Variants in GRIK4 observed in about 807,000 individuals in gnomAD.
GRIK4 encodes the protein glutamate receptor ionotropic, kainate 4.
GRIK4 carries 40 observed loss-of-function variants against 104.9 expected under a neutral mutation model. The observed-to-expected ratio is 0.38, with a 90% CI of 0.30 to 0.50. The LOEUF is 0.50. GRIK4 is among the 20% of genes least tolerant of loss of function. GRIK4 has a pLI of 0.93. For missense variants in GRIK4, 1,047 were observed against 1,308.1 expected (o/e 0.80, Z 3.08); for synonymous variants, 485 against 524.9 (o/e 0.92, Z 1.04).
In GRIK4 at chr11:120,734,860, A is replaced by G. The variant is rs1951194425; in HGVS notation, c.83-67833A>G. Reference sequence around the variant, plus strand: ...ATATCAATTGCATTTTTCAAATGCAAAAAGAACCTAGGCCTGGACTCAGGG... The same window carrying G: ...ATATCAATTGCATTTTTCAAATGCAGAAAGAACCTAGGCCTGGACTCAGGG... On this transcript the variant is annotated intron_variant, in intron 3 of 20. Coordinates refer to ENST00000527524, the MANE Select transcript of GRIK4 (RefSeq NM_014619.5). 3.3e-5 allele frequency among the ~76,000 whole-genome samples: 5 copies of G among 152,196 alleles called. No individual in the cohort carries two copies. In the South Asian group the frequency reaches 1.0e-3, roughly 32 times the overall value.
intron 3 of GRIK4, among the ~76,000 whole-genome samples, chr11:120,748,404 A>G (rs930661781): frequency 2.0e-5 from 3 of 151,954 alleles, no homozygotes; most frequent in Admixed American, 6.6e-5. Context: ...CGCAGGCCCC[A>G]TGTCTGTGGG....
intron 3 of GRIK4, among the ~76,000 whole-genome samples, chr11:120,759,597 C>T (rs1951711367): frequency 6.6e-6 from 1 of 151,976 alleles, no homozygotes; most frequent in Non-Finnish European, 1.5e-5. Flanking sequence ...GCTCACTTAA[C>T]CACCCTGAAC....
chr11:120,977,416 G>A (rs1944579183), intron 19 of GRIK4, among the ~76,000 whole-genome samples: 1 of 152,192 alleles, frequency 6.6e-6, no homozygotes, highest in African/African-American at 2.4e-5. Context: ...GGCCCCTTCT[G>A]ATGAATGTCG....
At chr11:120,969,417 G>A (rs996579092) in intron 19 of GRIK4, among the ~76,000 whole-genome samples, 1 of 152,122 alleles carries the variant, frequency 6.6e-6, no homozygotes, top group Admixed American at 6.5e-5. Flanking sequence ...GATGGATGTG[G>A]GGCAGGAGTC....
At chr11:120,885,340 T>C (rs1333322248) in intron 11 of GRIK4, among the ~76,000 whole-genome samples, 2 of 152,038 alleles carry the variant, frequency 1.3e-5, no homozygotes, top group Non-Finnish European at 2.9e-5. Context: ...TTTTCAACTA[T>C]GCAAGAAAAG....
At chr11:120,824,584 C>T (rs1200930318) in intron 6 of GRIK4, among the ~76,000 whole-genome samples, 6 of 124,114 alleles carry the variant, frequency 4.8e-5, no homozygotes, top group African/African-American at 1.2e-4. Flanking sequence ...AGGTCTCACT[C>T]TGTTGGCCAG....
At chr11:120,570,454 T>G (rs1009376203) in intron 1 of GRIK4, among the ~76,000 whole-genome samples, 2 of 152,170 alleles carry the variant, frequency 1.3e-5, no homozygotes, top group Non-Finnish European at 2.9e-5. Flanking sequence ...ATCAGTTGAC[T>G]TTCTGCTTTT....
intron 1 of GRIK4, among the ~76,000 whole-genome samples, chr11:120,599,203 G>T (rs75064325): frequency 6.6e-6 from 1 of 152,216 alleles, no homozygotes; most frequent in Non-Finnish European, 1.5e-5. Flanking sequence ...TTTTAAACAC[G>T]CAGAGAATGT....
chr11:120,651,391 T>C (rs1299028735), intron 1 of GRIK4, among the ~76,000 whole-genome samples: 1 of 152,198 alleles, frequency 6.6e-6, no homozygotes, highest in East Asian at 1.9e-4. Flanking sequence ...GGATGTCTTA[T>C]CATGTCTCTG....
At chr11:120,797,841 C>T (rs1952548999) in intron 3 of GRIK4, among the ~76,000 whole-genome samples, 1 of 152,178 alleles carries the variant, frequency 6.6e-6, no homozygotes, top group South Asian at 2.1e-4. Context: ...TCATCCTCCC[C>T]TTAATACAAG....
chr11:120,795,884 C>T (rs1032766462), intron 3 of GRIK4, among the ~76,000 whole-genome samples: 4 of 152,142 alleles, frequency 2.6e-5, no homozygotes, highest in African/African-American at 7.2e-5. Context: ...TTGCATATAA[C>T]TTATGCACAT....
At chr11:120,684,141 A>T (rs573233871) in intron 3 of GRIK4, among the ~76,000 whole-genome samples, 2 of 152,228 alleles carry the variant, frequency 1.3e-5, no homozygotes, top group Admixed American at 6.5e-5. Context: ...CCTGGGCAAC[A>T]TAGGGAGACC....
Position 120,819,964 on chromosome 11 carries a change from G to A in GRIK4, c.511+44G>A, listed in dbSNP as rs1953067158. On this transcript the variant is annotated intron_variant, in intron 6 of 20. Transcript: ENST00000527524. The surrounding 1 kb of genome is among the most constrained non-coding windows in gnomAD (Gnocchi z 4.3). ...GCTCTGCCCCAGACAGTCCAGTCTT[G>A]TTGATTTTGCCCTGATTCCCTGTGC... 6.3e-7 allele frequency: 1 copy of A among 1,593,840 alleles called. No individual in the cohort carries two copies. Among genetic ancestry groups the A allele is most frequent in the Non-Finnish European group, 8.6e-7 (1 of 1,165,700 alleles).
intron 8 of GRIK4, among the ~76,000 whole-genome samples, chr11:120,842,641 T>C (rs1953746217): frequency 6.6e-6 from 1 of 152,232 alleles, no homozygotes; most frequent in Non-Finnish European, 1.5e-5. Context: ...GTTATAAGGA[T>C]GTCAGCTTCC....
At chr11:120,661,532 C>T (rs903858842) in intron 3 of GRIK4, among the ~76,000 whole-genome samples, 17 of 152,228 alleles carry the variant, frequency 1.1e-4, no homozygotes, top group South Asian at 2.1e-4. Flanking sequence ...AAAGATGGCA[C>T]GATGCTGAAT....
chr11:120,514,675 A>C (rs1947703264), intron 1 of GRIK4, among the ~76,000 whole-genome samples: 1 of 151,838 alleles, frequency 6.6e-6, no homozygotes, highest in Admixed American at 6.6e-5. Flanking sequence ...CCTAGACCCA[A>C]CCAACCACCC....
intron 19 of GRIK4, among the ~76,000 whole-genome samples, chr11:120,975,111 T>C (rs1459459123): frequency 6.6e-6 from 1 of 152,100 alleles, no homozygotes; most frequent in African/African-American, 2.4e-5. Flanking sequence ...CACCAGGCTG[T>C]GAAAATCAGG....
intron 1 of GRIK4, among the ~76,000 whole-genome samples, chr11:120,594,281 C>T (rs1252499321): frequency 6.6e-6 from 1 of 152,112 alleles, no homozygotes; most frequent in Non-Finnish European, 1.5e-5. Flanking sequence ...AGTTGAAGAC[C>T]AGCTTGGGCA....
chr11:120,683,247 A>G (rs1237510849), intron 3 of GRIK4, among the ~76,000 whole-genome samples: 1 of 152,160 alleles, frequency 6.6e-6, no homozygotes, highest in Non-Finnish European at 1.5e-5. Flanking sequence ...GTAACAATGG[A>G]GATGGTGAGA....
Sources: allele counts gnomAD v4.1 joint callset (sites outside exome capture counted in the v4.1 genomes callset), GRCh38; gene constraint gnomAD v4.1.1; non-coding constraint Gnocchi (gnomAD v3.1); transcripts MANE v1.5; gene names NCBI Gene and HGNC (gene_info 2026-07-23, HGNC 2026-07-21).